The following LIN7A variants were observed in gnomAD, a reference collection of about 807,000 sequenced individuals.
The protein encoded by LIN7A is protein lin-7 homolog A.
LIN7A carries 25 observed loss-of-function variants against 29.8 expected under a neutral mutation model. That is an observed-to-expected ratio of 0.84 (90% CI 0.61 to 1.17). LIN7A has a LOEUF of 1.17. LIN7A is among the 50% of genes most tolerant of loss of function. LIN7A has a pLI of 0.00. For synonymous variants in LIN7A, 118 were observed against 107.5 expected, an observed-to-expected ratio of 1.10 and a Z score of -0.60; for missense variants, 239 against 287.0, an observed-to-expected ratio of 0.83 and a Z score of 1.21.
At chr12:80,826,439 T>A (rs1183649099) in intron 4 of LIN7A, among the ~76,000 whole-genome samples, 1 of 152,132 alleles carries the variant, frequency 6.6e-6, no homozygotes, top group East Asian at 1.9e-4. Flanking sequence ...TTGCATCTCA[T>A]CCTCTCCTCC....
chr12:80,833,992 A>T (rs949707413), intron 4 of LIN7A, among the ~76,000 whole-genome samples: 7 of 152,122 alleles, frequency 4.6e-5, no homozygotes, highest in Non-Finnish European at 7.3e-5. Flanking sequence ...TGGACCCTAA[A>T]ATAGTCAAAT....
chr12:80,893,892 A>G (rs1051038784), intron 1 of LIN7A, among the ~76,000 whole-genome samples: 1 of 152,194 alleles, frequency 6.6e-6, no homozygotes, highest in East Asian at 1.9e-4. Flanking sequence ...TCAGGGATAC[A>G]CAGCAGGTGG....
intron 4 of LIN7A, chr12:80,841,547 A>C (rs962977690): frequency 6.6e-6 from 1 of 152,140 alleles, no homozygotes; most frequent in Non-Finnish European, 1.5e-5. Context: ...ATTCCTCTTG[A>C]AATCAACATT....
At position 80,854,600 on chromosome 12, in the gene LIN7A, G is replaced by A. The variant is rs1592897843; in HGVS notation, c.202-6278C>T. 2.0e-5 allele frequency among the ~76,000 whole-genome samples: 3 copies of A among 151,986 alleles called. No homozygotes were observed. The South Asian group carries it at 6.2e-4, about 32-fold the overall frequency. On this transcript the variant is annotated intron_variant, in intron 2 of 5. Transcript: ENST00000552864. ...TCAAAGGCTGCCAGAGGCTAAGGGT[G>A]GGGACCAACAGATTAGACCAAGTAT... is the stretch of plus-strand genomic sequence containing the variant.
intron 5 of LIN7A, among the ~76,000 whole-genome samples, chr12:80,808,335 T>C (rs960204492): frequency 7.9e-5 from 12 of 152,174 alleles, no homozygotes; most frequent in Admixed American, 6.5e-4. Context: ...CAATAGGATA[T>C]TTTTATTTAC....
chr12:80,897,294 A>G (rs1875957331), intron 1 of LIN7A, among the ~76,000 whole-genome samples: 1 of 151,840 alleles, frequency 6.6e-6, no homozygotes, highest in African/African-American at 2.4e-5. Context: ...TTAATCTTGT[A>G]CATATGTTTT....
chr12:80,805,584 A>C lies in LIN7A; in HGVS notation c.*5881T>G, dbSNP rs548238475. Among the ~76,000 whole-genome samples the C allele has an allele frequency of 1.2e-4, 18 of 152,130 alleles. No homozygotes were observed. In the South Asian group the frequency reaches 3.7e-3, roughly 32 times the overall value. ...TTCCTCAGAATGTTGATATCTCCAGAGATATTCCTCTTTCTTCTTATTTTT... is the reference window on the plus strand; with the variant it reads ...TTCCTCAGAATGTTGATATCTCCAGCGATATTCCTCTTTCTTCTTATTTTT... On this transcript the variant is annotated intron_variant, in intron 5 of 5. Coordinates refer to ENST00000552864, the MANE Select transcript of LIN7A (RefSeq NM_004664.4).
chr12:80,805,655 TA>T (rs920227492), intron 5 of LIN7A, among the ~76,000 whole-genome samples: 12 of 152,062 alleles, frequency 7.9e-5, no homozygotes, highest in Non-Finnish European at 1.3e-4. Flanking sequence ...GGAGTCACAA[TA>T]AAAAACTGAG....
At chr12:80,918,701 T>C (rs1245033764) in intron 1 of LIN7A, among the ~76,000 whole-genome samples, 1 of 152,248 alleles carries the variant, frequency 6.6e-6, no homozygotes, top group Non-Finnish European at 1.5e-5. Flanking sequence ...TGGAAGAGTT[T>C]CTGTGTTGGC....
intron 2 of LIN7A, among the ~76,000 whole-genome samples, chr12:80,858,370 T>A (rs1337017143): frequency 6.6e-6 from 1 of 152,154 alleles, no homozygotes; most frequent in Non-Finnish European, 1.5e-5. Flanking sequence ...GCTCTTAACA[T>A]ATATAACTTT....
At chr12:80,805,085 C>A (rs1870912802) in intron 5 of LIN7A, among the ~76,000 whole-genome samples, 1 of 152,102 alleles carries the variant, frequency 6.6e-6, no homozygotes, top group Admixed American at 6.6e-5. Flanking sequence ...AAACATAGTA[C>A]CTAATCTGCA....
chr12:80,871,048 T>G (rs1374420078), intron 2 of LIN7A, among the ~76,000 whole-genome samples: 1 of 152,166 alleles, frequency 6.6e-6, no homozygotes, highest in African/African-American at 2.4e-5. Flanking sequence ...GTCATAAAAG[T>G]AGTAACTGCT....
intron 2 of LIN7A, among the ~76,000 whole-genome samples, chr12:80,880,067 A>C (rs192925608): frequency 6.6e-6 from 1 of 152,200 alleles, no homozygotes; most frequent in Non-Finnish European, 1.5e-5. Flanking sequence ...ATGTTTGTAG[A>C]TCTTCTCCAT....
At chr12:80,917,400 C>T (rs1490957605) in intron 1 of LIN7A, among the ~76,000 whole-genome samples, 2 of 152,084 alleles carry the variant, frequency 1.3e-5, no homozygotes, top group Non-Finnish European at 2.9e-5. Context: ...CATAAACTGG[C>T]TGTTTTAATA....
intron 4 of LIN7A, among the ~76,000 whole-genome samples, chr12:80,824,332 G>A (rs1226834245): frequency 3.3e-5 from 5 of 151,864 alleles, no homozygotes; most frequent in African/African-American, 1.2e-4. Context: ...TAGAATCTCT[G>A]AACAGACTAA....
chr12:80,799,168 C>G (rs1286898261), intron 5 of LIN7A, among the ~76,000 whole-genome samples: 4 of 152,194 alleles, frequency 2.6e-5, no homozygotes, highest in Admixed American at 2.6e-4. Flanking sequence ...AGAGAGAGCA[C>G]TGGGCATTCA....
At chr12:80,808,284 C>T (rs1347785786) in intron 5 of LIN7A, among the ~76,000 whole-genome samples, 1 of 152,164 alleles carries the variant, frequency 6.6e-6, no homozygotes, top group Non-Finnish European at 1.5e-5. Flanking sequence ...AAGCAGTTCT[C>T]TATTTAAACC....
In LIN7A at chr12:80,937,899, T is replaced by G; in HGVS notation, c.-177A>C. ...TGTTCCGCGGCGGCAGATCTTCAGTTGCGGTGCGGAGCTGAGCAGGTATCC... is the reference window on the plus strand; with the variant it reads ...TGTTCCGCGGCGGCAGATCTTCAGTGGCGGTGCGGAGCTGAGCAGGTATCC... On this transcript the variant is annotated 5_prime_UTR_variant, in exon 1 of 6. Transcript: ENST00000552864. 1 of 472,848 alleles carries G rather than the reference T, an allele frequency of 2.1e-6. No homozygotes were observed. The highest frequency in any genetic ancestry group is 3.5e-5 in the East Asian group (1 of 28,760). The allele number at this position is 472,848 out of a possible 1,614,324, so 29.3% of individuals were successfully genotyped here. A position where few individuals can be genotyped will look rare whatever the true frequency, so the allele number is the denominator to read the frequency against.
intron 1 of LIN7A, among the ~76,000 whole-genome samples, chr12:80,932,511 A>G (rs541011519): frequency 3.9e-5 from 6 of 152,368 alleles, no homozygotes; most frequent in African/African-American, 1.4e-4. Flanking sequence ...CCAACCTTGT[A>G]TCTTATGTAA....
Sources: gnomAD v4.1 joint callset for allele counts (sites outside exome capture counted in the v4.1 genomes callset) on GRCh38, gnomAD v4.1.1 for gene constraint, MANE v1.5 for transcripts, NCBI Gene and HGNC (gene_info 2026-07-23, HGNC 2026-07-21) for gene names.